NBR1: variants seen among roughly 807,000 people sequenced by gnomAD.
NBR1 encodes the protein next to BRCA1 gene 1 protein.
Under a neutral mutation model 115.5 loss-of-function variants are expected in NBR1, and 59 were observed. That is an observed-to-expected ratio of 0.51 (90% confidence interval 0.41 to 0.63). The LOEUF is 0.63. Among genes scored for constraint, NBR1 ranks in the 30% least tolerant of loss-of-function variants. The pLI, the probability that NBR1 is intolerant of heterozygous loss-of-function variation, is 0.00. For missense variants in NBR1, 1,043 were observed against 1,150.5 expected (o/e 0.91, Z 1.35); for synonymous variants, 373 against 414.7 (o/e 0.90, Z 1.22).
At chr17:43,209,608 C>T in intron 20 of NBR1, 1 of 1,535,590 alleles carries the variant, frequency 6.5e-7, no homozygotes, top group Non-Finnish European at 8.7e-7. Flanking sequence ...ATGCTTCTTC[C>T]TGAAAGCCCC....
At chr17:43,180,774 G>GTA in intron 4 of NBR1, 21 bp from the exon 5 acceptor site, 1 of 1,457,978 alleles carries the variant, frequency 6.9e-7, no homozygotes, top group Non-Finnish European at 9.1e-7. Flanking sequence ...GTATCATGGT[G>GTA]TATATTTTTT....
chr17:43,194,399 A>G lies in NBR1; in HGVS notation c.1574A>G (p.Glu525Gly), dbSNP rs775100971. The G allele has an allele frequency of 6.8e-6, 11 of 1,614,028 alleles. No individual in the cohort carries two copies. Among genetic ancestry groups the G allele is most frequent in the Non-Finnish European group, 9.3e-6 (11 of 1,179,886 alleles). ...KEERQLGEVT[E>G]QTEGTAACIP... ...GAAAGACAGCTTGGTGAAGTGACTG[A>G]GCAGACAGAAGGGACAGCAGCCTGC... The change falls in exon 13 of 21, where the codon GAG becomes GGG. Residue 525 changes from glutamate (E) to glycine (G), a missense_variant. Physicochemically the swap from Glu to Gly is moderately conservative, Grantham distance 98. Coordinates refer to ENST00000590996, the MANE Select transcript of NBR1 (RefSeq NM_005899.5).
Position 43,193,123 on chromosome 17 carries a change from T to G in NBR1, c.1103T>G (p.Met368Arg), listed in dbSNP as rs952910102. The G allele has an allele frequency of 1.2e-6, 2 of 1,614,008 alleles. No homozygotes were observed. Among genetic ancestry groups the G allele is most frequent in the Non-Finnish European group, 1.7e-6 (2 of 1,179,886 alleles). ...MLPLQPCTSV[M>R]PMLSAAFVDE... is the part of the protein sequence containing the mutation. ...CCTTTGCAGCCCTGTACCTCCGTTATGCCAATGCTCAGTGCAGCATTTGTG... is the reference window on the plus strand; with the variant it reads ...CCTTTGCAGCCCTGTACCTCCGTTAGGCCAATGCTCAGTGCAGCATTTGTG... Residue 368 changes from methionine (M) to arginine (R), a missense_variant, in exon 11 of 21, where the codon ATG becomes AGG. Coordinates refer to ENST00000590996, the MANE Select transcript of NBR1 (RefSeq NM_005899.5).
intron 5 of NBR1, among the ~76,000 whole-genome samples, chr17:43,182,115 G>A (rs2056682864): frequency 6.6e-6 from 1 of 150,794 alleles, no homozygotes; most frequent in African/African-American, 2.5e-5. Flanking sequence ...TCAGCCTCCC[G>A]AGTAGCTGGG....
chr17:43,178,704 C>A (rs908801824), intron 3 of NBR1, among the ~76,000 whole-genome samples: 2 of 151,546 alleles, frequency 1.3e-5, no homozygotes, highest in Admixed American at 6.6e-5. Context: ...TATATAGTGA[C>A]CTTAAGTTCA....
chr17:43,195,068 C>G (rs747806554), intron 14 of NBR1, 29 bp downstream of exon 14: 2 of 1,576,238 alleles, frequency 1.3e-6, no homozygotes, highest in Admixed American at 3.3e-5. Flanking sequence ...TCATCTTGTT[C>G]GTCTTACTAA....
Position 43,210,392 on chromosome 17 carries a change from T to A in NBR1, c.*318T>A. On this transcript the variant is annotated 3_prime_UTR_variant, in exon 21 of 21. Transcript: ENST00000590996. ...TTTTTCTTTCTGCTTTTATTGAAAC[T>A]GAGTATTTTTCTTTGGCTAATGTGG... 2.5e-6 allele frequency: 1 copy of A among 394,904 alleles called. No individual in the cohort carries two copies. The highest frequency in any genetic ancestry group is 4.5e-6 in the Non-Finnish European group (1 of 224,556). The allele number at this position is 394,904 out of a possible 1,614,324, so 24.5% of individuals were successfully genotyped here.
At chr17:43,190,408 T>G in intron 8 of NBR1, 1 of 577,846 alleles carries the variant, frequency 1.7e-6, no homozygotes, top group Non-Finnish European at 3.1e-6. Flanking sequence ...TCCCATAGAT[T>G]TTCATTTAAA....
chr17:43,189,248 A>G, intron 7 of NBR1, 129 bp downstream of exon 7: 1 of 727,860 alleles, frequency 1.4e-6, no homozygotes. Flanking sequence ...TATAATTTCC[A>G]AACTTAGAAC....
Position 43,211,662 on chromosome 17 carries a change from T to G in NBR1, c.*1588T>G, listed in dbSNP as rs1488172818. ...TTGTACATAACCACCTAAAGAATGGTGAAATAAATGTTCTTGGAAATTCCT... is the reference window on the plus strand; with the variant it reads ...TTGTACATAACCACCTAAAGAATGGGGAAATAAATGTTCTTGGAAATTCCT... On this transcript the variant is annotated 3_prime_UTR_variant, in exon 21 of 21. Transcript: ENST00000590996. 6.6e-6 allele frequency: 1 copy of G among 152,094 alleles called. No individual in the cohort carries two copies. The highest frequency in any genetic ancestry group is 1.5e-5 in the Non-Finnish European group (1 of 68,016). The allele number at this position is 152,094 out of a possible 1,614,324, so 9.4% of individuals were successfully genotyped here. A position where few individuals can be genotyped will look rare whatever the true frequency, so the allele number is the denominator to read the frequency against.
chr17:43,188,248 C>T (rs529990380), intron 6 of NBR1, among the ~76,000 whole-genome samples: 103 of 152,192 alleles, frequency 6.8e-4, no homozygotes, highest in Non-Finnish European at 1.2e-3. Context: ...GTTTGTTGGC[C>T]GAATAAATGT....
In NBR1 at chr17:43,197,126, CCCTA is replaced by C; in HGVS notation, c.2026+25_2026+28del. 3 of 1,611,650 alleles carry C rather than the reference CCCTA, an allele frequency of 1.9e-6. No individual in the cohort carries two copies. The highest frequency in any genetic ancestry group is 2.5e-6 in the Non-Finnish European group (3 of 1,178,636). On this transcript the variant is annotated intron_variant, in intron 16 of 20. Transcript: ENST00000590996. The stretch of plus-strand genomic sequence containing the variant: ...TGCAGAGTGAGTGTCCTTGCATTTC[CCCTA>C]CCTAGCAGGGTGGCACCTGAATTGT...
Position 43,197,076 on chromosome 17 carries a change from A to T in NBR1, c.1996A>T (p.Asn666Tyr), listed in dbSNP as rs2057085204. ...TACCTTGGATGCTGCCCCAGACCAC[A>T]ACCCTCCTTGCAGACAGAAGTCCTT... Reference protein sequence around the residue: ...SLTLDAAPDHNPPCRQKSLQM... With the variant: ...SLTLDAAPDHYPPCRQKSLQM... The change falls in exon 16 of 21, where the codon AAC becomes TAC. Residue 666 changes from asparagine (N) to tyrosine (Y), a missense_variant. Transcript: ENST00000590996. The T allele has an allele frequency of 6.2e-7, 1 of 1,613,970 alleles. No homozygotes were observed. Among genetic ancestry groups the T allele is most frequent in the South Asian group, 1.1e-5 (1 of 91,084 alleles).
At chr17:43,190,823 G>C (rs747751677) in intron 9 of NBR1, 47 bp downstream of exon 9, 1 of 1,528,058 alleles carries the variant, frequency 6.5e-7, no homozygotes, top group Non-Finnish European at 8.8e-7. Flanking sequence ...TGACTTCTTG[G>C]TTCTGGTGAC....
chr17:43,181,759 C>T (rs898028225), intron 5 of NBR1, among the ~76,000 whole-genome samples: 2 of 152,212 alleles, frequency 1.3e-5, no homozygotes. Context: ...CTGAGGCAGG[C>T]GGATCACCCA....
chr17:43,176,002 C>A, intron 2 of NBR1, 101 bp downstream of exon 2: 1 of 657,094 alleles, frequency 1.5e-6, no homozygotes, highest in Non-Finnish European at 2.6e-6. Context: ...TGAAGTCTGT[C>A]ATAGTTACCA....
intron 6 of NBR1, 26 bp downstream of exon 6, chr17:43,186,470 C>T (rs776734472): frequency 1.4e-6 from 2 of 1,437,312 alleles, no homozygotes; most frequent in Non-Finnish European, 1.8e-6. Flanking sequence ...CCCAGTCTAT[C>T]CAATATCGTT....
chr17:43,194,677 C>G (rs866957725), intron 13 of NBR1, 178 bp downstream of exon 13: 2 of 741,552 alleles, frequency 2.7e-6, no homozygotes, highest in African/African-American at 3.5e-5. Flanking sequence ...GATGTTTCCT[C>G]TTTGAATTGG....
At chr17:43,180,105 A>G (rs1043387474) in intron 4 of NBR1, among the ~76,000 whole-genome samples, 1 of 152,196 alleles carries the variant, frequency 6.6e-6, no homozygotes, top group African/African-American at 2.4e-5. Context: ...TGTACATTTA[A>G]CAAATTTTTA....
Sources: allele counts gnomAD v4.1 joint callset (sites outside exome capture counted in the v4.1 genomes callset), GRCh38; gene constraint gnomAD v4.1.1; transcripts MANE v1.5; gene names NCBI Gene and HGNC (gene_info 2026-07-23, HGNC 2026-07-21).